The following RBFOX1 variants were observed in gnomAD, a reference collection of about 807,000 sequenced individuals.
The protein encoded by RBFOX1 is RNA binding protein fox-1 homolog 1.
RBFOX1 carries 8 observed loss-of-function variants against 57.7 expected under a neutral mutation model. The observed-to-expected ratio is 0.14, with a 90% CI of 0.08 to 0.25. The LOEUF is 0.25. Among genes scored for constraint, RBFOX1 ranks in the 10% least tolerant of loss-of-function variants. The probability of loss-of-function intolerance (pLI) is 1.00; values close to 1 mark genes in which losing one functional copy is unlikely to be tolerated. For synonymous variants in RBFOX1, 326 were observed against 222.4 expected (o/e 1.47, Z -4.15); for missense variants, 611 against 548.5 (o/e 1.11, Z -1.14).
chr16:7,559,861 C>T lies in RBFOX1; in HGVS notation c.271-19916C>T, dbSNP rs1420344931. On this transcript the variant is annotated intron_variant, in intron 5 of 15. Transcript: ENST00000550418. ...ATTTTAAGGCTGTGGGAAGAAAGGC[C>T]TTTAGGGATGAAGTAACATGTCCAA... Among the ~76,000 whole-genome samples the T allele has an allele frequency of 3.9e-5, 6 of 152,276 alleles. No homozygotes were observed. In the East Asian group the frequency reaches 1.2e-3, roughly 29 times the overall value.
chr16:5,267,605 T>C (rs1297029076), intron 1 of RBFOX1, among the ~76,000 whole-genome samples: 1 of 151,986 alleles, frequency 6.6e-6, no homozygotes, highest in Admixed American at 6.6e-5. Context: ...GGCCCACACA[T>C]AAGGTTTGAG....
chr16:5,741,079 G>T (rs151338135), intron 3 of RBFOX1, among the ~76,000 whole-genome samples: 1 of 152,168 alleles, frequency 6.6e-6, no homozygotes, highest in African/African-American at 2.4e-5. Context: ...GACCAGGAAG[G>T]GTGGAGTCAC....
At chr16:6,471,468 AG>A (rs2095172571) in intron 2 of RBFOX1, among the ~76,000 whole-genome samples, 1 of 152,260 alleles carries the variant, frequency 6.6e-6, no homozygotes, top group African/African-American at 2.4e-5. Flanking sequence ...CAGGCCTAAA[AG>A]AGTTCTGGAA....
intron 4 of RBFOX1, among the ~76,000 whole-genome samples, chr16:7,306,717 G>A (rs1480647260): frequency 2.0e-5 from 3 of 152,154 alleles, no homozygotes; most frequent in Admixed American, 1.3e-4. Flanking sequence ...CACCGCTAGG[G>A]TGTAAGTGAT....
chr16:5,604,958 C>A (rs531051830), downstream of RBFOX1, among the ~76,000 whole-genome samples: 1 of 152,290 alleles, frequency 6.6e-6, no homozygotes, highest in Admixed American at 6.5e-5. Context: ...TGGAATTTAG[C>A]AAAAGTGATC....
intron 9 of RBFOX1, among the ~76,000 whole-genome samples, chr16:7,598,555 C>A (rs939814502): frequency 6.6e-6 from 1 of 151,896 alleles, no homozygotes; most frequent in Non-Finnish European, 1.5e-5. Context: ...TTTTAAATAA[C>A]CCCATTGCCA....
intron 3 of RBFOX1, among the ~76,000 whole-genome samples, chr16:7,041,183 C>T (rs980261324): frequency 4.6e-5 from 7 of 150,754 alleles, no homozygotes; most frequent in Admixed American, 1.3e-4. Context: ...ATCCACCCGC[C>T]TTGTCCTCCC....
chr16:6,041,517 T>G (rs2095435957), intron 1 of RBFOX1, among the ~76,000 whole-genome samples: 1 of 152,130 alleles, frequency 6.6e-6, no homozygotes. Context: ...ATGAGGTCAC[T>G]CTCATATTTA....
chr16:6,005,831 C>T (rs1171203975), intron 4 of RBFOX1, among the ~76,000 whole-genome samples: 1 of 152,162 alleles, frequency 6.6e-6, no homozygotes, highest in Non-Finnish European at 1.5e-5. Context: ...TGAGCTGGGT[C>T]TTGAGTCAGG....
intron 14 of RBFOX1, among the ~76,000 whole-genome samples, chr16:7,703,072 A>G (rs1206852447): frequency 6.6e-6 from 1 of 152,068 alleles, no homozygotes; most frequent in African/African-American, 2.4e-5. Context: ...CTTTAGCTAG[A>G]CCATGGCTCT....
At chr16:6,408,119 C>T (rs1018109107) in intron 2 of RBFOX1, among the ~76,000 whole-genome samples, 1 of 152,108 alleles carries the variant, frequency 6.6e-6, no homozygotes, top group Non-Finnish European at 1.5e-5. Flanking sequence ...CTGTCGACAC[C>T]TTGATCTTGG....
chr16:6,799,102 T>G (rs952642693), intron 3 of RBFOX1, among the ~76,000 whole-genome samples: 6 of 152,070 alleles, frequency 3.9e-5, no homozygotes, highest in African/African-American at 1.4e-4. Flanking sequence ...GTACGGTGAC[T>G]AGCTGATGCA....
intron 1 of RBFOX1, among the ~76,000 whole-genome samples, chr16:5,321,803 G>T (rs891056643): frequency 6.6e-6 from 1 of 152,116 alleles, no homozygotes; most frequent in Non-Finnish European, 1.5e-5. Context: ...TGGCGTCTGT[G>T]ACTCTCATGA....
At position 6,251,006 on chromosome 16, in the gene RBFOX1, G is replaced by C. The variant is rs150170550; in HGVS notation, c.-126-65989G>C. On this transcript the variant is annotated intron_variant, in intron 1 of 15. Coordinates refer to ENST00000550418, the MANE Select transcript of RBFOX1 (RefSeq NM_018723.4). ...GTTTGAGATGGGGTGGGGAGTGTGA[G>C]ATGGTCAGAATCAGCTTGCTGTCAT... Among the ~76,000 whole-genome samples the C allele has an allele frequency of 1.9e-3, 290 of 152,200 alleles. 1 individual carries two copies. The highest frequency in any genetic ancestry group is 6.5e-3 in the African/African-American group (270 of 41,530).
chr16:7,420,879 T>A (rs972622143), intron 4 of RBFOX1, among the ~76,000 whole-genome samples: 6 of 144,668 alleles, frequency 4.1e-5, no homozygotes, highest in Non-Finnish European at 7.5e-5. Flanking sequence ...ATATATCTTT[T>A]AAAATATATA....
chr16:6,248,079 T>C (rs561032418), intron 1 of RBFOX1, among the ~76,000 whole-genome samples: 1 of 152,326 alleles, frequency 6.6e-6, no homozygotes, highest in South Asian at 2.1e-4. Flanking sequence ...GCAGCCTCTC[T>C]TTTTAAAAGC....
chr16:6,975,294 C>G (rs1160387116), intron 3 of RBFOX1, among the ~76,000 whole-genome samples: 1 of 151,694 alleles, frequency 6.6e-6, no homozygotes, highest in Non-Finnish European at 1.5e-5. Context: ...GAGACAGGGT[C>G]TCATTCTGTC....
intron 3 of RBFOX1, among the ~76,000 whole-genome samples, chr16:6,669,957 C>G (rs909838707): frequency 6.6e-6 from 1 of 152,156 alleles, no homozygotes; most frequent in Non-Finnish European, 1.5e-5. Context: ...TTCAAGTCCA[C>G]CTGTCAAAAT....
chr16:5,295,538 C>G (rs775943317), intron 1 of RBFOX1, among the ~76,000 whole-genome samples: 2 of 152,162 alleles, frequency 1.3e-5, no homozygotes, highest in African/African-American at 4.8e-5. Context: ...CCAGGCTCAT[C>G]TGGTTGTTGG....
Sources: allele counts gnomAD v4.1 joint callset (sites outside exome capture counted in the v4.1 genomes callset), GRCh38; gene constraint gnomAD v4.1.1; transcripts MANE v1.5; gene names NCBI Gene and HGNC (gene_info 2026-07-23, HGNC 2026-07-21).